The following MYO6 variants were observed in gnomAD, a reference collection of about 807,000 sequenced individuals.
The protein encoded by MYO6 is myosin VI, also known as unconventional myosin-VI.
A neutral mutation model predicts 178.7 loss-of-function variants in MYO6; 74 were observed. That is an observed-to-expected ratio of 0.41 (90% CI 0.34 to 0.50). MYO6 has a LOEUF of 0.50. Among genes scored for constraint, MYO6 ranks in the 20% least tolerant of loss-of-function variants. The pLI, the probability that MYO6 is intolerant of heterozygous loss-of-function variation, is 0.09. For missense variants in MYO6, 1,330 were observed against 1,547.4 expected, an observed-to-expected ratio of 0.86 and a Z score of 2.36; for synonymous variants, 477 against 504.6, an observed-to-expected ratio of 0.95 and a Z score of 0.73.
rs113392536 is a variant in MYO6 at position 75,918,361 on chromosome 6, A to G, written c.*3349A>G. On this transcript the variant is annotated 3_prime_UTR_variant, in exon 35 of 35. Transcript: ENST00000369977. The stretch of plus-strand genomic sequence containing the variant: ...AGAGAAGAGCAACAGTGGAAGAGAC[A>G]GGTTGTGTGCCCCTAAAGATTCTGC... The G allele has an allele frequency of 6.6e-6, 1 of 152,286 alleles. No homozygotes were observed. The highest frequency in any genetic ancestry group is 1.5e-5 in the Non-Finnish European group (1 of 68,092). The allele number at this position is 152,286 out of a possible 1,614,324, so 9.4% of individuals were successfully genotyped here.
intron 11 of MYO6, among the ~76,000 whole-genome samples, chr6:75,850,860 G>A (rs1775196971): frequency 6.6e-6 from 1 of 151,210 alleles, no homozygotes; most frequent in South Asian, 2.1e-4. Context: ...AAATGAGTAA[G>A]TACAATTAAA....
intron 1 of MYO6, among the ~76,000 whole-genome samples, chr6:75,752,829 T>C (rs1341901778): frequency 6.6e-6 from 1 of 152,226 alleles, no homozygotes; most frequent in African/African-American, 2.4e-5. Context: ...TAAACATATG[T>C]ATGTGTTTAA....
At chr6:75,832,983 T>C (rs1773264922) in intron 6 of MYO6, 36 bp downstream of exon 6, 3 of 1,437,674 alleles carry the variant, frequency 2.1e-6, no homozygotes, top group South Asian at 2.3e-5. Context: ...TTTGAGTAGG[T>C]TGATCTTTTT....
intron 1 of MYO6, among the ~76,000 whole-genome samples, chr6:75,764,826 C>A (rs1341072917): frequency 6.6e-6 from 1 of 151,900 alleles, no homozygotes; most frequent in African/African-American, 2.4e-5. Context: ...GGTAAAACCC[C>A]GTCTCTACTA....
intron 28 of MYO6, among the ~76,000 whole-genome samples, chr6:75,893,454 C>A (rs976000773): frequency 5.3e-5 from 8 of 152,166 alleles, no homozygotes; most frequent in Admixed American, 5.2e-4. Flanking sequence ...ACACATGTAA[C>A]CATGCTTTTC....
chr6:75,823,107 G>A (rs937891430), intron 3 of MYO6, among the ~76,000 whole-genome samples: 1 of 152,108 alleles, frequency 6.6e-6, no homozygotes, highest in African/African-American at 2.4e-5. Context: ...TTACTGTAAG[G>A]CTTGAACTAA....
chr6:75,777,970 T>C (rs1032499722), intron 1 of MYO6, among the ~76,000 whole-genome samples: 5 of 152,178 alleles, frequency 3.3e-5, no homozygotes, highest in Non-Finnish European at 7.3e-5. Context: ...GATTGTTAAT[T>C]ACTTATAATG....
In MYO6 at chr6:75,847,834, A is replaced by T. The variant is rs573906018; in HGVS notation, c.898-517A>T. Among the ~76,000 whole-genome samples the T allele has an allele frequency of 2.0e-4, 31 of 152,122 alleles. No individual in the cohort carries two copies. The Middle Eastern group carries it at 0.01, about 50-fold the overall frequency. ...TTGTCACATTTAAATTTTTTATTGCACCTTTTAACTTACTTTTTCTTTTTT... is the reference window on the plus strand; with the variant it reads ...TTGTCACATTTAAATTTTTTATTGCTCCTTTTAACTTACTTTTTCTTTTTT... On this transcript the variant is annotated intron_variant, in intron 10 of 34. Coordinates refer to ENST00000369977, the MANE Select transcript of MYO6 (RefSeq NM_004999.4).
chr6:75,885,539 C>G (rs13210871), intron 23 of MYO6, among the ~76,000 whole-genome samples: 3 of 152,114 alleles, frequency 2.0e-5, no homozygotes, highest in African/African-American at 7.2e-5. Context: ...AGCTCCGCCT[C>G]CCGGGTTCAC....
At chr6:75,870,031 G>A (rs762660391) in intron 18 of MYO6, among the ~76,000 whole-genome samples, 11 of 151,714 alleles carry the variant, frequency 7.3e-5, no homozygotes, top group South Asian at 2.1e-4. Flanking sequence ...GGAGAATGGC[G>A]TGAACCCGGG....
At chr6:75,796,442 CT>C (rs1187147803) in intron 1 of MYO6, among the ~76,000 whole-genome samples, 1 of 151,844 alleles carries the variant, frequency 6.6e-6, no homozygotes, top group African/African-American at 2.4e-5. Flanking sequence ...ATAATTTCAC[CT>C]TTTATTTTAG....
chr6:75,776,579 G>A (rs557816781), intron 1 of MYO6, among the ~76,000 whole-genome samples: 1 of 152,076 alleles, frequency 6.6e-6, no homozygotes, highest in South Asian at 2.1e-4. Context: ...TAGAAACTAA[G>A]CACTACTATC....
In MYO6 at chr6:75,830,567, T is replaced by G. The variant is rs202037726; in HGVS notation, c.391+22T>G. ...ATTGGTAAGTGATTTTAAATGTATT[T>G]TAATTCTTGTCTTTCTTTATATTGT... On this transcript the variant is annotated intron_variant, in intron 5 of 34. Transcript: ENST00000369977. 106 of 1,602,870 alleles carry G rather than the reference T, an allele frequency of 6.6e-5. No homozygotes were observed. In the African/African-American group the frequency reaches 1.3e-3, roughly 20 times the overall value.
In MYO6 at chr6:75,916,914, A is replaced by G. The variant is rs931154004; in HGVS notation, c.*1902A>G. ...GTTTTTGACTCTAATAGTTAATACAATTATAGTTAATCTTAAGCCATAATG... is the reference window on the plus strand; with the variant it reads ...GTTTTTGACTCTAATAGTTAATACAGTTATAGTTAATCTTAAGCCATAATG... On this transcript the variant is annotated 3_prime_UTR_variant, in exon 35 of 35. Transcript: ENST00000369977. The G allele has an allele frequency of 3.9e-5, 6 of 152,234 alleles. No homozygotes were observed. Among genetic ancestry groups the G allele is most frequent in the African/African-American group, 1.4e-4 (6 of 41,466 alleles). 9.4% of individuals were successfully genotyped at this position (152,234 alleles called of 1,614,324 possible).
chr6:75,870,031 G>T (rs762660391), intron 18 of MYO6, among the ~76,000 whole-genome samples: 1 of 151,714 alleles, frequency 6.6e-6, no homozygotes, highest in Non-Finnish European at 1.5e-5. Context: ...GGAGAATGGC[G>T]TGAACCCGGG....
At chr6:75,862,853 C>T (rs1228350746) in intron 16 of MYO6, 130 bp downstream of exon 16, 1 of 1,043,060 alleles carries the variant, frequency 9.6e-7, no homozygotes, top group African/African-American at 1.6e-5. Flanking sequence ...TATATTATAT[C>T]CAGCACAGTA....
Position 75,855,167 on chromosome 6 carries a change from T to C in MYO6, c.1107T>C (p.Ala369=), listed in dbSNP as rs761087573. The change falls in exon 12 of 35, where the codon GCT becomes GCC. Residue 369 remains alanine (A), a synonymous_variant. Transcript: ENST00000369977. The stretch of plus-strand genomic sequence containing the variant: ...GTTGTAATCTGAAGAATAAATCTGC[T>C]CAGTCTTTGGAATATTGTGCTGAAT... ...SGGCNLKNKS[A]QSLEYCAELL... The C allele has an allele frequency of 1.8e-5, 29 of 1,611,782 alleles. No homozygotes were observed. Among genetic ancestry groups the C allele is most frequent in the Non-Finnish European group, 2.4e-5 (28 of 1,178,260 alleles).
intron 23 of MYO6, among the ~76,000 whole-genome samples, chr6:75,882,109 T>C (rs1200107524): frequency 2.2e-4 from 33 of 152,176 alleles, no homozygotes; most frequent in Non-Finnish European, 2.9e-5. Context: ...CCCTAATCTC[T>C]CAGACTTAAA....
intron 7 of MYO6, 87 bp downstream of exon 7, chr6:75,836,043 GATGCAAAAGACTCTCTT>G (rs1278473314): frequency 1.1e-6 from 1 of 881,760 alleles, no homozygotes; most frequent in Non-Finnish European, 1.9e-6. Context: ...TTCTCTCAGA[GATGCAAAAGACTCTCTT>G]ATCTCCTACT....
Sources: allele counts gnomAD v4.1 joint callset (sites outside exome capture counted in the v4.1 genomes callset), GRCh38; gene constraint gnomAD v4.1.1; transcripts MANE v1.5; gene names NCBI Gene and HGNC (gene_info 2026-07-23, HGNC 2026-07-21).